NALF1: variants seen among roughly 807,000 people sequenced by gnomAD.
NALF1 encodes NALCN channel auxiliary factor 1, also known as family with sequence similarity 155 member A.
NALF1 carries 3 observed loss-of-function variants against 48.4 expected under a neutral mutation model. That is an observed-to-expected ratio of 0.06 (90% CI 0.03 to 0.16). The LOEUF (loss-of-function observed/expected upper bound fraction) is 0.16, where lower values mean the gene tolerates loss of function less well. NALF1 is among the 10% of genes least tolerant of loss of function. NALF1 has a pLI of 1.00. For missense variants in NALF1, 526 were observed against 571.5 expected (o/e 0.92, Z 0.81); for synonymous variants, 262 against 245.7 (o/e 1.07, Z -0.62).
chr13:107,526,249 C>T (rs1440606395), intron 1 of NALF1, among the ~76,000 whole-genome samples: 2 of 152,060 alleles, frequency 1.3e-5, no homozygotes, highest in African/African-American at 4.8e-5. Context: ...GGAGTACGAT[C>T]TTAAGATAGC....
chr13:107,716,120 TA>T (rs1780185471), intron 1 of NALF1, among the ~76,000 whole-genome samples: 1 of 152,168 alleles, frequency 6.6e-6, no homozygotes, highest in South Asian at 2.1e-4. Flanking sequence ...ATTGATACCT[TA>T]GATCCCCCAT....
At chr13:107,361,855 T>C (rs1329282912) in intron 1 of NALF1, among the ~76,000 whole-genome samples, 6 of 152,202 alleles carry the variant, frequency 3.9e-5, no homozygotes, top group African/African-American at 1.4e-4. Context: ...CTTTCTTATC[T>C]CCTTAAAGTT....
chr13:107,501,366 T>G (rs754157740), intron 1 of NALF1, among the ~76,000 whole-genome samples: 4 of 151,904 alleles, frequency 2.6e-5, no homozygotes, highest in Non-Finnish European at 4.4e-5. Context: ...ATGCCTAACT[T>G]TACTTTGCTG....
intron 1 of NALF1, among the ~76,000 whole-genome samples, chr13:107,369,276 T>G (rs1376932967): frequency 6.6e-6 from 1 of 152,198 alleles, no homozygotes. Flanking sequence ...TAATAGTTTT[T>G]AGTATGTGCA....
intron 1 of NALF1, among the ~76,000 whole-genome samples, chr13:107,296,267 G>A (rs938681794): frequency 6.6e-6 from 1 of 152,182 alleles, no homozygotes; most frequent in Non-Finnish European, 1.5e-5. Context: ...ATCCGTGATA[G>A]TGTTTATTTT....
In NALF1 at chr13:107,284,444, G is replaced by T. The variant is rs184023902; in HGVS notation, c.916-73689C>A. On this transcript the variant is annotated intron_variant, in intron 1 of 2. Coordinates refer to ENST00000375915, the MANE Select transcript of NALF1 (RefSeq NM_001080396.3). ...GACTTTAATTAACTGGCTTAAATGT[G>T]CTCAAAAAGCTAAAGGAAGCCAGGA... is the stretch of plus-strand genomic sequence containing the variant. Among the ~76,000 whole-genome samples the T allele has an allele frequency of 2.0e-5, 3 of 152,214 alleles. No homozygotes were observed. The East Asian group carries it at 5.8e-4, about 29-fold the overall frequency.
At chr13:107,783,519 G>T (rs1279236030) in intron 1 of NALF1, among the ~76,000 whole-genome samples, 1 of 152,194 alleles carries the variant, frequency 6.6e-6, no homozygotes. Flanking sequence ...TCTGTACTAA[G>T]AAAAATTCTT....
intron 1 of NALF1, among the ~76,000 whole-genome samples, chr13:107,513,233 A>G (rs1875953259): frequency 6.6e-6 from 1 of 152,182 alleles, no homozygotes; most frequent in African/African-American, 2.4e-5. Flanking sequence ...AAGCTTACCA[A>G]TTATCACTGT....
At chr13:107,201,841 C>T (rs1195394280) in intron 2 of NALF1, among the ~76,000 whole-genome samples, 1 of 152,104 alleles carries the variant, frequency 6.6e-6, no homozygotes, top group Non-Finnish European at 1.5e-5. Context: ...CAGGTAATGA[C>T]ATATTCCGTA....
chr13:107,368,305 T>C (rs1268235975), intron 1 of NALF1, among the ~76,000 whole-genome samples: 3 of 146,088 alleles, frequency 2.1e-5, no homozygotes, highest in African/African-American at 7.5e-5. Context: ...CTTGCAAAGA[T>C]AAATCACATA....
intron 1 of NALF1, among the ~76,000 whole-genome samples, chr13:107,585,691 G>A (rs1878435739): frequency 6.6e-6 from 1 of 152,124 alleles, no homozygotes; most frequent in African/African-American, 2.4e-5. Context: ...TAACCCAGCT[G>A]ACAGCCTCTG....
chr13:107,257,120 C>A (rs956555489), intron 1 of NALF1, among the ~76,000 whole-genome samples: 2 of 152,060 alleles, frequency 1.3e-5, no homozygotes, highest in Non-Finnish European at 2.9e-5. Flanking sequence ...GAACCCCTTA[C>A]AAAACCATCA....
chr13:107,287,171 A>G (rs143878620), intron 1 of NALF1, among the ~76,000 whole-genome samples: 4,721 of 152,320 alleles, frequency 0.031, 72 homozygotes, highest in Middle Eastern at 0.054. Context: ...GACTAAAAAC[A>G]TATGGTAACC....
chr13:107,455,837 CT>C (rs1172652668), intron 1 of NALF1, among the ~76,000 whole-genome samples: 1 of 151,674 alleles, frequency 6.6e-6, no homozygotes, highest in East Asian at 1.9e-4. Flanking sequence ...CAATCTTCCC[CT>C]GTGTCTTTTC....
chr13:107,714,205 G>A (rs552561554), intron 1 of NALF1, among the ~76,000 whole-genome samples: 1 of 152,262 alleles, frequency 6.6e-6, no homozygotes, highest in East Asian at 1.9e-4. Flanking sequence ...TCATGACAAA[G>A]ATTCCATTTA....
chr13:107,764,577 G>T (rs991907699), intron 1 of NALF1, among the ~76,000 whole-genome samples: 1 of 152,082 alleles, frequency 6.6e-6, no homozygotes, highest in African/African-American at 2.4e-5. Flanking sequence ...ATCAATGAAG[G>T]GAATACTGAA....
intron 1 of NALF1, among the ~76,000 whole-genome samples, chr13:107,618,560 G>T (rs1020184376): frequency 1.3e-5 from 2 of 152,202 alleles, no homozygotes; most frequent in Non-Finnish European, 2.9e-5. Flanking sequence ...AGCTTTTGCA[G>T]CTCTCAGGTT....
intron 1 of NALF1, among the ~76,000 whole-genome samples, chr13:107,821,062 A>G (rs1879346555): frequency 6.6e-6 from 1 of 152,236 alleles, no homozygotes; most frequent in Non-Finnish European, 1.5e-5. Flanking sequence ...TATGCCCTTC[A>G]GGAAAAATTG....
chr13:107,305,218 C>A (rs1881912108), intron 1 of NALF1, among the ~76,000 whole-genome samples: 1 of 152,116 alleles, frequency 6.6e-6, no homozygotes, highest in Non-Finnish European at 1.5e-5. Context: ...TAGGGACCCC[C>A]AAAAAGCATA....
Sources: gnomAD v4.1 joint callset for allele counts (sites outside exome capture counted in the v4.1 genomes callset) on GRCh38, gnomAD v4.1.1 for gene constraint, MANE v1.5 for transcripts, NCBI Gene and HGNC (gene_info 2026-07-23, HGNC 2026-07-21) for gene names.